The following FER variants were observed in gnomAD, a reference collection of about 807,000 sequenced individuals.
FER encodes the protein FER tyrosine kinase, also known as tyrosine-protein kinase Fer.
Under a neutral mutation model 111.0 loss-of-function variants are expected in FER, and 63 were observed. The ratio of observed to expected loss-of-function variants is 0.57; its 90% CI spans 0.46 to 0.70. The LOEUF (loss-of-function observed/expected upper bound fraction) is 0.70. Among genes scored for constraint, FER ranks in the 30% least tolerant of loss-of-function variants. The probability of loss-of-function intolerance (pLI) is 0.00; values close to 1 mark genes in which losing one functional copy is unlikely to be tolerated. For missense variants in FER, 914 were observed against 954.0 expected (o/e 0.96, Z 0.55); for synonymous variants, 327 against 313.9 (o/e 1.04, Z -0.44).
chr5:108,773,387 C>T (rs1055522258), intron 2 of FER, among the ~76,000 whole-genome samples: 11 of 152,198 alleles, frequency 7.2e-5, no homozygotes, highest in African/African-American at 1.4e-4. Context: ...TATTGTTCCC[C>T]TCCCTGTGTC....
At chr5:109,107,756 G>C (rs1234659877) in intron 17 of FER, among the ~76,000 whole-genome samples, 2 of 152,064 alleles carry the variant, frequency 1.3e-5, no homozygotes, top group Non-Finnish European at 2.9e-5. Flanking sequence ...TGTTCATTTG[G>C]AGTTTCATTA....
intron 13 of FER, among the ~76,000 whole-genome samples, chr5:109,033,896 T>C (rs919727404): frequency 6.6e-6 from 1 of 152,180 alleles, no homozygotes; most frequent in Non-Finnish European, 1.5e-5. Context: ...ATGAGTACAA[T>C]GTGATGTTTT....
chr5:109,059,326 C>T (rs1435007386), intron 16 of FER, among the ~76,000 whole-genome samples: 1 of 151,388 alleles, frequency 6.6e-6, no homozygotes, highest in Admixed American at 6.6e-5. Flanking sequence ...TTCTCAAGAC[C>T]ATCCTGGCCA....
chr5:108,893,972 T>G (rs982252396), intron 9 of FER, among the ~76,000 whole-genome samples: 1 of 151,372 alleles, frequency 6.6e-6, no homozygotes, highest in Admixed American at 6.6e-5. Flanking sequence ...AAAGAGGTTT[T>G]TTTTTTTTTT....
chr5:108,758,868 C>T (rs1242711385), intron 1 of FER, among the ~76,000 whole-genome samples: 1 of 152,166 alleles, frequency 6.6e-6, no homozygotes, highest in Non-Finnish European at 1.5e-5. Flanking sequence ...TTACTATAGT[C>T]CTCTAGCGTG....
At chr5:109,162,127 T>G (rs1012401127) in intron 17 of FER, among the ~76,000 whole-genome samples, 1 of 152,134 alleles carries the variant, frequency 6.6e-6, no homozygotes, top group Non-Finnish European at 1.5e-5. Context: ...TGTTTCTTAG[T>G]GGTCTAAAAT....
At chr5:109,070,439 A>G (rs572577544) in intron 16 of FER, among the ~76,000 whole-genome samples, 1 of 151,948 alleles carries the variant, frequency 6.6e-6, no homozygotes, top group Non-Finnish European at 1.5e-5. Context: ...TCCTTAGAAG[A>G]TAATCGACTT....
chr5:108,907,486 G>T (rs1372638321), intron 10 of FER, among the ~76,000 whole-genome samples: 1 of 151,750 alleles, frequency 6.6e-6, no homozygotes, highest in African/African-American at 2.4e-5. Context: ...ATAGAGACGG[G>T]GTTTTATCAT....
chr5:108,961,468 A>G (rs1465014251), intron 13 of FER, among the ~76,000 whole-genome samples: 4 of 150,816 alleles, frequency 2.7e-5, no homozygotes, highest in Admixed American at 6.6e-5. Flanking sequence ...TGTTTTTCCA[A>G]CCCCCAACAC....
At position 108,844,412 on chromosome 5, in the gene FER, A is replaced by G. The variant is rs140093268; in HGVS notation, c.481+8605A>G. On this transcript the variant is annotated intron_variant, in intron 5 of 19. Transcript: ENST00000281092. ...TTTGTTTTGGATCCAGGGTCCAAAT[A>G]AAGGTTTATATATTGTGTTTAATTG... 7.9e-5 allele frequency among the ~76,000 whole-genome samples: 12 copies of G among 152,316 alleles called. No homozygotes were observed. In the East Asian group the frequency reaches 2.3e-3, roughly 29 times the overall value.
chr5:109,016,319 A>T (rs1291630516), intron 13 of FER, among the ~76,000 whole-genome samples: 1 of 152,016 alleles, frequency 6.6e-6, no homozygotes, highest in Non-Finnish European at 1.5e-5. Flanking sequence ...AGGTGACAGA[A>T]TACTGGAGGA....
At chr5:108,988,736 C>A (rs1332877402) in intron 13 of FER, among the ~76,000 whole-genome samples, 2 of 152,166 alleles carry the variant, frequency 1.3e-5, no homozygotes, top group African/African-American at 4.8e-5. Flanking sequence ...AAAGAACCAG[C>A]TTTTTGCTTC....
At chr5:108,977,105 A>G (rs191626754) in intron 13 of FER, among the ~76,000 whole-genome samples, 4 of 152,340 alleles carry the variant, frequency 2.6e-5, no homozygotes, top group Non-Finnish European at 5.9e-5. Context: ...TATTTGCAAC[A>G]CTTGAGCTCA....
At chr5:109,179,833 G>A (rs1413127557) in intron 17 of FER, among the ~76,000 whole-genome samples, 1 of 152,218 alleles carries the variant, frequency 6.6e-6, no homozygotes, top group East Asian at 1.9e-4. Context: ...TATCTGAGGG[G>A]GGGTCCTGGA....
intron 3 of FER, among the ~76,000 whole-genome samples, chr5:108,800,146 T>C (rs367776722): frequency 5.7e-4 from 87 of 152,312 alleles, no homozygotes; most frequent in African/African-American, 2.0e-3. Flanking sequence ...TTGACCTCCC[T>C]TTTGCAGGAC....
intron 13 of FER, among the ~76,000 whole-genome samples, chr5:108,987,623 G>T (rs910321694): frequency 6.6e-6 from 1 of 152,096 alleles, no homozygotes; most frequent in Non-Finnish European, 1.5e-5. Context: ...AAGAGCTACT[G>T]ATTTGTGTAC....
chr5:109,111,031 G>T (rs1749549682), intron 17 of FER, among the ~76,000 whole-genome samples: 1 of 152,190 alleles, frequency 6.6e-6, no homozygotes, highest in Non-Finnish European at 1.5e-5. Context: ...GGCACTCAGA[G>T]TCTTAGCTAC....
rs1197214217 is a variant in FER at position 108,891,906 on chromosome 5, C to T, written c.1047-5753C>T. 3.3e-5 allele frequency among the ~76,000 whole-genome samples: 5 copies of T among 152,120 alleles called. No homozygotes were observed. The East Asian group carries it at 7.8e-4, about 24-fold the overall frequency. ...TTCAATTCCCACCTATGAGTGAGAA[C>T]ATGCGGTGTTTGGTTTTTTTGTCCT... On this transcript the variant is annotated intron_variant, in intron 9 of 19. Transcript: ENST00000281092.
At chr5:109,185,777 T>A (rs7737268) in intron 18 of FER, among the ~76,000 whole-genome samples, 3,585 of 152,310 alleles carry the variant, frequency 0.024, 68 homozygotes, top group East Asian at 0.075. Flanking sequence ...TTTGGTAAGT[T>A]TAAATACAGT....
Sources: gnomAD v4.1 joint callset for allele counts (sites outside exome capture counted in the v4.1 genomes callset) on GRCh38, gnomAD v4.1.1 for gene constraint, MANE v1.5 for transcripts, NCBI Gene and HGNC (gene_info 2026-07-23, HGNC 2026-07-21) for gene names.